The following GSE1 variants were observed in gnomAD, a reference collection of about 807,000 sequenced individuals.
The protein encoded by GSE1 is genetic suppressor element 1.
GSE1 carries 32 observed loss-of-function variants against 112.6 expected under a neutral mutation model. That is an observed-to-expected ratio of 0.28 (90% confidence interval 0.21 to 0.38). GSE1 has a LOEUF of 0.38. Ranked by LOEUF, GSE1 falls within the 10% of genes least tolerant of loss-of-function variation. GSE1 has a pLI of 1.00. For synonymous variants in GSE1, 1,115 were observed against 735.6 expected (o/e 1.52, Z -8.35); for missense variants, 2,348 against 1,699.2 (o/e 1.38, Z -6.71).
intron 1 of GSE1, among the ~76,000 whole-genome samples, chr16:85,588,617 T>A (rs2046819608): frequency 1.3e-5 from 2 of 152,262 alleles, no homozygotes; most frequent in African/African-American, 2.4e-5. Flanking sequence ...ATAGGCCCTG[T>A]CTGTGACCTT....
chr16:85,618,926 A>G (rs2048549955), intron 1 of GSE1, among the ~76,000 whole-genome samples: 1 of 152,186 alleles, frequency 6.6e-6, no homozygotes, highest in African/African-American at 2.4e-5. Flanking sequence ...AGCCTCCCAA[A>G]GCACTGGAGT....
At chr16:85,335,377 C>T (rs1597421133) in intron 1 of GSE1, among the ~76,000 whole-genome samples, 2 of 152,248 alleles carry the variant, frequency 1.3e-5, no homozygotes, top group Non-Finnish European at 2.9e-5. Flanking sequence ...CGAGTGAGTT[C>T]AGTCGGCTTT....
chr16:85,227,987 T>A (rs2075517870), intron 1 of GSE1, among the ~76,000 whole-genome samples: 1 of 145,370 alleles, frequency 6.9e-6, no homozygotes, highest in African/African-American at 2.6e-5. Context: ...CAGGAGGGGG[T>A]GTGGTGGGGA....
chr16:85,559,074 T>A (rs2045389664), intron 1 of GSE1, among the ~76,000 whole-genome samples: 3 of 152,176 alleles, frequency 2.0e-5, no homozygotes, highest in Admixed American at 2.0e-4. Flanking sequence ...GCCAGGCTGG[T>A]CTCGAACTCC....
intron 2 of GSE1, among the ~76,000 whole-genome samples, chr16:85,635,305 C>T (rs931202602): frequency 1.1e-4 from 17 of 152,158 alleles, no homozygotes; most frequent in Non-Finnish European, 2.1e-4. Context: ...CAGGGGGCAG[C>T]CCCTCGCCTC....
rs759629419 is a variant in GSE1 at position 85,634,029 on chromosome 16, C to T, written c.123C>T (p.Ser41=). The T allele has an allele frequency of 7.4e-5, 119 of 1,610,866 alleles. No individual in the cohort carries two copies. The highest frequency in any genetic ancestry group is 3.6e-4 in the East Asian group (16 of 44,832). ...CGCTCAATGGCGCCCTGGTGCCCAG[C>T]GGCAGCCCCGCCACCAGCAGCGCGC... The part of the protein sequence containing the change: ...PSPLNGALVP[S]GSPATSSALS... The change falls in exon 2 of 16, where the codon AGC becomes AGT. Residue 41 remains serine (S), a synonymous_variant. Coordinates refer to ENST00000253458, the MANE Select transcript of GSE1 (RefSeq NM_014615.5).
intron 1 of GSE1, among the ~76,000 whole-genome samples, chr16:85,357,152 C>T (rs1305138502): frequency 6.6e-6 from 1 of 152,204 alleles, no homozygotes; most frequent in Non-Finnish European, 1.5e-5. Flanking sequence ...CAGTGCTGGC[C>T]AGCTGCCGCG....
At chr16:85,539,565 C>T (rs1221527232) in intron 2 of GSE1, among the ~76,000 whole-genome samples, 2 of 152,132 alleles carry the variant, frequency 1.3e-5, no homozygotes, top group African/African-American at 2.4e-5. Flanking sequence ...TTGTTTTGGC[C>T]TAAAGGATTC....
intron 1 of GSE1, among the ~76,000 whole-genome samples, chr16:85,614,157 C>G (rs896796508): frequency 1.3e-5 from 2 of 151,876 alleles, no homozygotes; most frequent in East Asian, 1.9e-4. Flanking sequence ...CCGCCGCCCC[C>G]CACCCGCACT....
At chr16:85,657,011 G>C (rs970523471) in intron 7 of GSE1, among the ~76,000 whole-genome samples, 3 of 152,228 alleles carry the variant, frequency 2.0e-5, no homozygotes, top group African/African-American at 7.2e-5. Context: ...TTAATAGTCT[G>C]CTCTTTGAGC....
chr16:85,580,396 G>T (rs1235424260), intron 1 of GSE1, among the ~76,000 whole-genome samples: 1 of 152,164 alleles, frequency 6.6e-6, no homozygotes, highest in East Asian at 1.9e-4. Context: ...AGCCCTGAAG[G>T]CTGGCCAGCA....
At chr16:85,587,215 T>C (rs1343239779) in intron 1 of GSE1, among the ~76,000 whole-genome samples, 1 of 134,674 alleles carries the variant, frequency 7.4e-6, no homozygotes, top group African/African-American at 2.7e-5. Flanking sequence ...GGCCCGGCCG[T>C]GGAAGATGAA....
At chr16:85,545,864 G>C (rs543055957) in intron 2 of GSE1, among the ~76,000 whole-genome samples, 1 of 151,456 alleles carries the variant, frequency 6.6e-6, no homozygotes, top group African/African-American at 2.4e-5. Flanking sequence ...CTCACTGCAA[G>C]CTCCGCCTCC....
At chr16:85,211,967 A>G (rs2143663882) in intron 1 of GSE1, among the ~76,000 whole-genome samples, 1 of 152,332 alleles carries the variant, frequency 6.6e-6, no homozygotes. Flanking sequence ...CACTTGAACC[A>G]TCGCCCATCA....
At chr16:85,194,396 A>G (rs2074887611) in intron 1 of GSE1, among the ~76,000 whole-genome samples, 1 of 152,186 alleles carries the variant, frequency 6.6e-6, no homozygotes, top group Non-Finnish European at 1.5e-5. Flanking sequence ...TTTCTTCTAG[A>G]TGTGCACAAG....
At chr16:85,197,781 G>T (rs905868728) in intron 1 of GSE1, among the ~76,000 whole-genome samples, 3 of 152,178 alleles carry the variant, frequency 2.0e-5, no homozygotes, top group African/African-American at 7.2e-5. Context: ...TAGAGGGGCA[G>T]TCCCCTCCTG....
chr16:85,670,307 C>A (rs1447091074), intron 14 of GSE1, among the ~76,000 whole-genome samples: 1 of 152,138 alleles, frequency 6.6e-6, no homozygotes, highest in Non-Finnish European at 1.5e-5. Context: ...ACTGGTGGGG[C>A]CCTTGTCTGT....
intron 1 of GSE1, among the ~76,000 whole-genome samples, chr16:85,260,370 C>T (rs1488675529): frequency 3.2e-5 from 4 of 125,986 alleles, no homozygotes; most frequent in Admixed American, 9.9e-5. Flanking sequence ...GTTGCCCAGG[C>T]TGGAGTGCTG....
Position 85,415,294 on chromosome 16 carries a change from G to C in GSE1, c.2464+57651G>C, listed in dbSNP as rs931240019. ...TTTTCTCATCTTTTGGGTCCCCCTG[G>C]GGAGGGAGTGTGTCCTCTTCATGTC... is the stretch of plus-strand genomic sequence containing the variant. On this transcript the variant is annotated intron_variant, in intron 2 of 2. Transcript: ENST00000637419. Among the ~76,000 whole-genome samples, 12 of 152,210 alleles carry C rather than the reference G, an allele frequency of 7.9e-5. No individual in the cohort carries two copies. The East Asian group carries it at 2.3e-3, about 29-fold the overall frequency.
Sources: allele counts gnomAD v4.1 joint callset (sites outside exome capture counted in the v4.1 genomes callset), GRCh38; gene constraint gnomAD v4.1.1; transcripts MANE v1.5; gene names NCBI Gene and HGNC (gene_info 2026-07-23, HGNC 2026-07-21).